RPL15: variants seen among roughly 807,000 people sequenced by gnomAD.
The protein encoded by RPL15 is large ribosomal subunit protein eL15.
For missense variants in RPL15, 161 were observed against 271.8 expected, an observed-to-expected ratio of 0.59 and a Z score of 2.87; for synonymous variants, 97 against 95.1, an observed-to-expected ratio of 1.02 and a Z score of -0.12.
rs1344061887 is a variant in RPL15, at chr3:23,920,427, C to T, written c.*926C>T. On this transcript the variant is annotated 3_prime_UTR_variant, in exon 4 of 4. Coordinates refer to ENST00000307839, the MANE Select transcript of RPL15 (RefSeq NM_002948.5). ...CTGCAGTTATTTCTCTTGTTCTGGC[C>T]AAACAACCCTAAAAATCCTTACCAT... 1.0e-6 allele frequency: 1 copy of T among 985,368 alleles called. No individual in the cohort carries two copies. Among genetic ancestry groups the T allele is most frequent in the Non-Finnish European group, 1.2e-6 (1 of 829,924 alleles). 61.0% of individuals were successfully genotyped at this position (985,368 alleles called of 1,614,324 possible).
chr3:23,919,231 C>A lies in RPL15; in HGVS notation c.345C>A (p.Val115=), dbSNP rs776268885. The change falls in exon 4 of 4, where the codon GTC becomes GTA. Residue 115 remains valine, a synonymous_variant. Coordinates refer to ENST00000307839, the MANE Select transcript of RPL15 (RefSeq NM_002948.5). ...GACGCCACTGTGGGGCTCTGAGAGT[C>A]CTGAATTCTTACTGGGTTGGTGAAG... ...RAGRHCGALR[V]LNSYWVGEDS... is the part of the protein sequence containing the mutation. 7 of 1,613,848 alleles carry A rather than the reference C, an allele frequency of 4.3e-6. No homozygotes were observed. In the South Asian group the frequency reaches 5.5e-5, roughly 13 times the overall value.
In RPL15 at chr3:23,919,475, A is replaced by T; in HGVS notation, c.589A>T (p.Thr197Ser). The change falls in exon 4 of 4, where the codon ACT becomes TCT. Residue 197 changes from threonine (T) to serine (S), a missense_variant. Physicochemically the swap from Thr to Ser is moderately conservative, Grantham distance 58. Coordinates refer to ENST00000307839, the MANE Select transcript of RPL15 (RefSeq NM_002948.5). ...CCGGGCAGCTTGGAGAAGGCGCAATACTCTCCAGCTCCACCGTTACCGCTA... is the reference window on the plus strand; with the variant it reads ...CCGGGCAGCTTGGAGAAGGCGCAATTCTCTCCAGCTCCACCGTTACCGCTA... ...SRRAAWRRRN[T>S]LQLHRYR 3 of 1,594,172 alleles carry T rather than the reference A, an allele frequency of 1.9e-6. No individual in the cohort carries two copies. Among genetic ancestry groups the T allele is most frequent in the Non-Finnish European group, 2.6e-6 (3 of 1,175,598 alleles).
At chr3:23,918,090 C>T in intron 2 of RPL15, 59 bp downstream of exon 2, 3 of 1,564,924 alleles carry the variant, frequency 1.9e-6, no homozygotes, top group Admixed American at 3.8e-5. Context: ...AGTTGGAAAC[C>T]AGCTGTTAGG....
At chr3:23,921,264 C>T (rs1447523434), downstream of RPL15, among the ~76,000 whole-genome samples, 1 of 145,404 alleles carries the variant, frequency 6.9e-6, no homozygotes, top group Non-Finnish European at 1.5e-5. Context: ...ACACAGTAGT[C>T]CAAGGGATCC....
downstream of RPL15, chr3:23,921,523 C>G (rs1705078856): frequency 5.9e-6 from 4 of 674,118 alleles, no homozygotes; most frequent in Non-Finnish European, 8.0e-6. Flanking sequence ...ATTTGCTTTA[C>G]TATTTCTATA....
rs1268881569 is a variant in RPL15 at position 23,920,164 on chromosome 3, G to A, written c.*663G>A. ...AGGGTGGGAAGCTGGTGAGCCAGTGGCCATTAGATAAATACCTTTCAAGTG... is the reference window on the plus strand; with the variant it reads ...AGGGTGGGAAGCTGGTGAGCCAGTGACCATTAGATAAATACCTTTCAAGTG... On this transcript the variant is annotated 3_prime_UTR_variant, in exon 4 of 4. Transcript: ENST00000307839. 5.1e-6 allele frequency: 5 copies of A among 985,672 alleles called. No homozygotes were observed. Among genetic ancestry groups the A allele is most frequent in the Non-Finnish European group, 6.0e-6 (5 of 829,892 alleles). 61.1% of individuals were successfully genotyped at this position (985,672 alleles called of 1,614,324 possible).
downstream of RPL15, chr3:23,921,660 T>C: frequency 1.5e-6 from 1 of 658,176 alleles, no homozygotes; most frequent in Non-Finnish European, 2.8e-6. Context: ...CTGCAACCTC[T>C]GTCTCCCGGG....
At chr3:23,916,906 C>T (rs1704592117), upstream of RPL15, 1 of 152,766 alleles carries the variant, frequency 6.5e-6, no homozygotes, top group African/African-American at 2.4e-5. Flanking sequence ...CGCTTAGCCG[C>T]CGAGACCTCG....
At position 23,919,319 on chromosome 3, in the gene RPL15, A is replaced by C; in HGVS notation, c.433A>C (p.Asn145His). 1 of 1,604,240 alleles carries C rather than the reference A, an allele frequency of 6.2e-7. No individual in the cohort carries two copies. Among genetic ancestry groups the C allele is most frequent in the South Asian group, 1.1e-5 (1 of 91,056 alleles). The change falls in exon 4 of 4, where the codon AAT becomes CAT. Residue 145 changes from asparagine (N) to histidine (H), a missense_variant. Physicochemically the swap from Asn to His is moderately conservative, Grantham distance 68. Coordinates refer to ENST00000307839, the MANE Select transcript of RPL15 (RefSeq NM_002948.5). ...IDPFHKAIRR[N>H]PDTQWITKPV... is the part of the protein sequence containing the mutation. ...TCCATTCCATAAAGCTATCAGAAGA[A>C]ATCCTGACACCCAGTGGATCACCAA... is the stretch of plus-strand genomic sequence containing the variant.
intron 1 of RPL15, 164 bp downstream of exon 1, chr3:23,917,337 G>T (rs1314837954): frequency 6.5e-6 from 1 of 153,174 alleles, no homozygotes; most frequent in South Asian, 2.0e-4. Context: ...GGCGGCCCCC[G>T]GGGCGGGTTG....
Position 23,918,756 on chromosome 3 carries a change from G to T in RPL15, c.309+180G>T, listed in dbSNP as rs562409815. On this transcript the variant is annotated intron_variant, in intron 3 of 3. Transcript: ENST00000307839. ...AAAGACTTGTCTTTGTTACAAATGCGTGTGTATATACTGGAAGTACTTGTG... is the reference window on the plus strand; with the variant it reads ...AAAGACTTGTCTTTGTTACAAATGCTTGTGTATATACTGGAAGTACTTGTG... The T allele has an allele frequency of 1.1e-5, 8 of 725,618 alleles. No homozygotes were observed. In the African/African-American group the frequency reaches 1.2e-4, roughly 11 times the overall value. The allele number at this position is 725,618 out of a possible 1,614,324, so 44.9% of individuals were successfully genotyped here.
chr3:23,918,377 C>T lies in RPL15; in HGVS notation c.173-63C>T, dbSNP rs1704814940. On this transcript the variant is annotated intron_variant, in intron 2 of 3. Transcript: ENST00000307839. ...TTTTGGTGGAGTATTAGTGACAAGC[C>T]ATTGAGTCTTAAGCCTTACGGCTTC... The T allele has an allele frequency of 2.6e-6, 4 of 1,548,838 alleles. No homozygotes were observed. In the African/African-American group the frequency reaches 5.5e-5, roughly 21 times the overall value.
intron 2 of RPL15, 142 bp from the exon 3 acceptor site, chr3:23,918,298 T>G (rs1210051799): frequency 9.6e-6 from 10 of 1,040,726 alleles, no homozygotes; most frequent in Non-Finnish European, 1.4e-5. Flanking sequence ...TGAAAAAGAC[T>G]GGGATGTGTT....
chr3:23,918,874 C>T (rs190182134), intron 3 of RPL15: 60 of 502,572 alleles, frequency 1.2e-4, no homozygotes, highest in African/African-American at 9.2e-4. Flanking sequence ...TAAAGCTAAA[C>T]GTTGCTGAGC....
upstream of RPL15, chr3:23,916,652 G>GA (rs1192463913): frequency 6.6e-6 from 1 of 152,568 alleles, no homozygotes; most frequent in Non-Finnish European, 1.5e-5. Context: ...AGCGTCGGGG[G>GA]ATCTCTCAGC....
Position 23,919,858 on chromosome 3 carries a change from C to T in RPL15, c.*357C>T. On this transcript the variant is annotated 3_prime_UTR_variant, in exon 4 of 4. Transcript: ENST00000307839. ...ACCTGCAGCTTTATCGGAGTGATGG[C>T]AATGCTCTGCTGGTTTATTTTCAAG... is the stretch of plus-strand genomic sequence containing the variant. The T allele has an allele frequency of 2.0e-6, 2 of 1,011,438 alleles. No homozygotes were observed. Among genetic ancestry groups the T allele is most frequent in the Non-Finnish European group, 2.4e-6 (2 of 847,120 alleles). 62.7% of individuals were successfully genotyped at this position (1,011,438 alleles called of 1,614,324 possible). A position where few individuals can be genotyped will look rare whatever the true frequency, so the allele number is the denominator to read the frequency against.
chr3:23,917,735 G>A (rs998761124), intron 1 of RPL15, 115 bp from the exon 2 acceptor site: 2 of 1,079,120 alleles, frequency 1.9e-6, no homozygotes, highest in African/African-American at 3.2e-5. Flanking sequence ...TTGGTGCAGA[G>A]CCATTTTCAT....
rs768075641 is a variant in RPL15 at position 23,919,327 on chromosome 3, C to T, written c.441C>T (p.Asp147=). The change falls in exon 4 of 4, where the codon GAC becomes GAT. Residue 147 remains aspartate (D), a synonymous_variant. Transcript: ENST00000307839. ...PFHKAIRRNP[D]TQWITKPVHK... is the part of the protein sequence containing the mutation. ...ATAAAGCTATCAGAAGAAATCCTGA[C>T]ACCCAGTGGATCACCAAACCAGTCC... 1.9e-5 allele frequency: 30 copies of T among 1,603,228 alleles called. No individual in the cohort carries two copies. Among genetic ancestry groups the T allele is most frequent in the Non-Finnish European group, 2.5e-5 (29 of 1,179,204 alleles).
chr3:23,923,631 A>G (rs950314839), downstream of RPL15: 7 of 152,360 alleles, frequency 4.6e-5, no homozygotes, highest in African/African-American at 1.7e-4. Context: ...ATCTGTTGCT[A>G]TTACAAAAAG....
Sources: gnomAD v4.1 joint callset for allele counts (sites outside exome capture counted in the v4.1 genomes callset) on GRCh38, gnomAD v4.1.1 for gene constraint, MANE v1.5 for transcripts, NCBI Gene and HGNC (gene_info 2026-07-23, HGNC 2026-07-21) for gene names.